CNTN4: variants seen among roughly 807,000 people sequenced by gnomAD.
The protein encoded by CNTN4 is contactin-4.
In CNTN4, 77 loss-of-function variants were observed where a neutral mutation model predicts 122.5. The ratio of observed to expected loss-of-function variants is 0.63; its 90% confidence interval spans 0.52 to 0.76. The LOEUF is 0.76. CNTN4 is among the 30% of genes least tolerant of loss of function. CNTN4 has a pLI of 0.00. For missense variants in CNTN4, 1,256 were observed against 1,259.1 expected, an observed-to-expected ratio of 1.00 and a Z score of 0.04; for synonymous variants, 512 against 447.0, an observed-to-expected ratio of 1.15 and a Z score of -1.83.
chr3:2,698,026 T>C (rs1240649894), intron 4 of CNTN4, among the ~76,000 whole-genome samples: 1 of 152,174 alleles, frequency 6.6e-6, no homozygotes, highest in African/African-American at 2.4e-5. Context: ...ACTAAATGGG[T>C]ACGATAGCCA....
chr3:2,663,847 C>A (rs79375877), intron 4 of CNTN4, among the ~76,000 whole-genome samples: 5,502 of 152,176 alleles, frequency 0.036, 144 homozygotes, highest in Non-Finnish European at 0.05. Context: ...ATACATATTA[C>A]AACAAAGATG....
intron 4 of CNTN4, among the ~76,000 whole-genome samples, chr3:2,670,993 T>A (rs2084479051): frequency 6.6e-6 from 1 of 152,222 alleles, no homozygotes; most frequent in African/African-American, 2.4e-5. Flanking sequence ...CCTTTGTGGG[T>A]AACCCGACCT....
Position 2,319,674 on chromosome 3 carries a change from A to G in CNTN4, c.-144-19504A>G, listed in dbSNP as rs949256482. ...TTACTGTAAGAATAATGCATATAAG[A>G]TACAAAATATGTGTTGACTGTTTAT... On this transcript the variant is annotated intron_variant, in intron 2 of 24. Coordinates refer to ENST00000418658, the MANE Select transcript of CNTN4 (RefSeq NM_175607.3). Among the ~76,000 whole-genome samples, 5 of 152,224 alleles carry G rather than the reference A, an allele frequency of 3.3e-5. 1 individual carries two copies. Among genetic ancestry groups the G allele is most frequent in the African/African-American group, 7.2e-5 (3 of 41,456 alleles).
rs142962790 is a variant in CNTN4, at chr3:2,201,275, A to G, written c.-145+100636A>G. On this transcript the variant is annotated intron_variant, in intron 2 of 24. Transcript: ENST00000418658. ...CTTCAAGAATACTCCCTCAAATGAA[A>G]GAGAAGTTAAAAAAACTGCCTCAAT... Among the ~76,000 whole-genome samples, 481 of 152,284 alleles carry G rather than the reference A, an allele frequency of 3.2e-3. 1 individual carries two copies. The highest frequency in any genetic ancestry group is 0.011 in the African/African-American group (441 of 41,558).
intron 2 of CNTN4, among the ~76,000 whole-genome samples, chr3:2,206,066 GT>G (rs764223824): frequency 3.3e-5 from 5 of 151,996 alleles, no homozygotes; most frequent in Admixed American, 6.6e-5. Context: ...ACCTTTATTT[GT>G]TTTATAGATA....
intron 8 of CNTN4, among the ~76,000 whole-genome samples, chr3:2,871,929 T>A (rs185943500): frequency 1.9e-3 from 284 of 152,344 alleles, no homozygotes; most frequent in African/African-American, 6.4e-3. Context: ...CAGATATTTT[T>A]AAATCTGCTT....
intron 3 of CNTN4, among the ~76,000 whole-genome samples, chr3:2,443,229 A>G (rs1170159618): frequency 2.0e-5 from 3 of 152,112 alleles, no homozygotes; most frequent in Non-Finnish European, 2.9e-5. Flanking sequence ...GCCTTGCAGG[A>G]AAAAGTTTTC....
intron 3 of CNTN4, among the ~76,000 whole-genome samples, chr3:2,423,095 C>A (rs540927962): frequency 1.3e-5 from 2 of 152,124 alleles, no homozygotes; most frequent in African/African-American, 2.4e-5. Flanking sequence ...GAACTGATAA[C>A]CAATTAAATA....
chr3:2,578,252 C>G (rs977805780), intron 4 of CNTN4, among the ~76,000 whole-genome samples: 3 of 152,144 alleles, frequency 2.0e-5, no homozygotes, highest in African/African-American at 7.2e-5. Flanking sequence ...AGTAGGCTGT[C>G]TAAAGTTTGG....
chr3:3,031,731 A>G (rs1699184408), intron 16 of CNTN4, among the ~76,000 whole-genome samples: 1 of 152,182 alleles, frequency 6.6e-6, no homozygotes, highest in Non-Finnish European at 1.5e-5. Context: ...AATCCAACCT[A>G]TGCATGCTCA....
At chr3:2,307,433 TCAAA>T (rs746326030) in intron 2 of CNTN4, among the ~76,000 whole-genome samples, 2 of 118,462 alleles carry the variant, frequency 1.7e-5, no homozygotes, top group African/African-American at 4.0e-5. Context: ...AGACTCCATC[TCAAA>T]AAAAAAAAAA....
chr3:2,629,573 G>C (rs2082339561), intron 4 of CNTN4: 2 of 452,100 alleles, frequency 4.4e-6, no homozygotes, highest in African/African-American at 4.0e-5. Context: ...GCCAGCCTTG[G>C]AGGCTGGTGA....
intron 2 of CNTN4, among the ~76,000 whole-genome samples, chr3:2,199,595 G>T (rs186534448): frequency 6.6e-6 from 1 of 152,248 alleles, no homozygotes; most frequent in Admixed American, 6.5e-5. Context: ...TGCTAATTGA[G>T]TGCCTCCTAT....
chr3:2,343,282 T>C (rs968025468), intron 3 of CNTN4, among the ~76,000 whole-genome samples: 11 of 152,110 alleles, frequency 7.2e-5, no homozygotes, highest in African/African-American at 2.4e-4. Context: ...TTGTACTGCA[T>C]TGCCGATGAA....
At chr3:2,591,876 T>G (rs1470394331) in intron 4 of CNTN4, among the ~76,000 whole-genome samples, 3 of 152,084 alleles carry the variant, frequency 2.0e-5, no homozygotes, top group African/African-American at 7.2e-5. Flanking sequence ...TTTTTATTTT[T>G]TTATTTATTT....
chr3:2,531,310 G>A (rs956902709), intron 3 of CNTN4, among the ~76,000 whole-genome samples: 3 of 152,086 alleles, frequency 2.0e-5, no homozygotes, highest in South Asian at 2.1e-4. Context: ...GAGCTTGGGC[G>A]GGTAGGCCTG....
chr3:2,211,097 A>C (rs1452776400), intron 2 of CNTN4, among the ~76,000 whole-genome samples: 4 of 152,208 alleles, frequency 2.6e-5, no homozygotes, highest in Non-Finnish European at 1.5e-5. Flanking sequence ...TGGTACCAGC[A>C]TCTGCTCCTG....
intron 10 of CNTN4, among the ~76,000 whole-genome samples, chr3:2,893,673 G>C (rs759027195): frequency 1.6e-4 from 24 of 152,128 alleles, no homozygotes; most frequent in Non-Finnish European, 2.8e-4. Flanking sequence ...ATGAAAAAAA[G>C]AGTCATATCA....
At chr3:2,786,575 A>G (rs1288441947) in intron 6 of CNTN4, among the ~76,000 whole-genome samples, 1 of 152,228 alleles carries the variant, frequency 6.6e-6, no homozygotes, top group Non-Finnish European at 1.5e-5. Flanking sequence ...CTGAAAGACA[A>G]GAAAATGATT....
Sources: gnomAD v4.1 joint callset for allele counts (sites outside exome capture counted in the v4.1 genomes callset) on GRCh38, gnomAD v4.1.1 for gene constraint, MANE v1.5 for transcripts, NCBI Gene and HGNC (gene_info 2026-07-23, HGNC 2026-07-21) for gene names.